CACNA1C: variants seen among roughly 807,000 people sequenced by gnomAD.
CACNA1C encodes the protein calcium voltage-gated channel subunit alpha1 C, also known as voltage-dependent L-type calcium channel subunit alpha-1C.
CACNA1C carries 30 observed loss-of-function variants against 229.0 expected under a neutral mutation model. The observed-to-expected ratio is 0.13, with a 90% CI of 0.10 to 0.18. CACNA1C has a LOEUF of 0.18. Among genes scored for constraint, CACNA1C ranks in the 10% least tolerant of loss-of-function variants. CACNA1C has a pLI of 1.00. For missense variants in CACNA1C, 1,658 were observed against 2,845.0 expected (o/e 0.58, Z 9.49); for synonymous variants, 1,114 against 1,132.5 (o/e 0.98, Z 0.33).
intron 3 of CACNA1C, among the ~76,000 whole-genome samples, chr12:2,443,365 G>A (rs1291385064): frequency 6.6e-6 from 1 of 152,214 alleles, no homozygotes; most frequent in East Asian, 1.9e-4. Flanking sequence ...CACATCCAGG[G>A]CACACTGGTG....
At chr12:2,018,489 C>T (rs1263842780) in intron 1 of CACNA1C, among the ~76,000 whole-genome samples, 1 of 152,080 alleles carries the variant, frequency 6.6e-6, no homozygotes, top group East Asian at 1.9e-4. Flanking sequence ...CAGTACACCA[C>T]GGCTGGAGAG....
At chr12:2,573,045 CT>C (rs2057017917) in intron 13 of CACNA1C, among the ~76,000 whole-genome samples, 1 of 151,252 alleles carries the variant, frequency 6.6e-6, no homozygotes, top group Non-Finnish European at 1.5e-5. Flanking sequence ...TCTTCTTCTT[CT>C]TCTCTTCCCT....
intron 6 of CACNA1C, among the ~76,000 whole-genome samples, chr12:2,489,277 G>T (rs1457821046): frequency 6.6e-6 from 1 of 152,108 alleles, no homozygotes; most frequent in Non-Finnish European, 1.5e-5. Flanking sequence ...TGAATTTTAT[G>T]TATCTCTAGA....
intron 3 of CACNA1C, among the ~76,000 whole-genome samples, chr12:2,415,664 C>T (rs1005799102): frequency 3.3e-5 from 5 of 152,148 alleles, no homozygotes; most frequent in African/African-American, 1.2e-4. Flanking sequence ...ACAGTGGTGA[C>T]CGTCAGTGGC....
At chr12:2,532,383 A>G (rs2154582693) in intron 9 of CACNA1C, among the ~76,000 whole-genome samples, 1 of 152,042 alleles carries the variant, frequency 6.6e-6, no homozygotes, top group East Asian at 1.9e-4. Context: ...CCTCTCTGAC[A>G]TCTGTGCTTG....
intron 3 of CACNA1C, among the ~76,000 whole-genome samples, chr12:2,206,133 G>A (rs2097753904): frequency 6.6e-6 from 1 of 152,158 alleles, no homozygotes; most frequent in South Asian, 2.1e-4. Context: ...ACAGACCTGG[G>A]ATGGCTCCGC....
chr12:2,373,530 C>T (rs1015072555), intron 3 of CACNA1C, among the ~76,000 whole-genome samples: 2 of 152,020 alleles, frequency 1.3e-5, no homozygotes, highest in Non-Finnish European at 1.5e-5. Context: ...AGGCAGCATG[C>T]AGAGGCCAGC....
Position 2,054,591 on chromosome 12 carries a change from A to T in CACNA1C, c.49+980A>T, listed in dbSNP as rs2053884558. The stretch of plus-strand genomic sequence containing the variant: ...CTCACCGCTCTCCCCCCATATTAAC[A>T]AGTTGTTTTCTTGGACGTTGCTTAG... On this transcript the variant is annotated intron_variant, in intron 1 of 46. Coordinates refer to ENST00000399655, the MANE Select transcript of CACNA1C (RefSeq NM_000719.7). The surrounding 1 kb of genome is among the most constrained non-coding windows in gnomAD (Gnocchi z 5.5). Among the ~76,000 whole-genome samples the T allele has an allele frequency of 6.6e-6, 1 of 151,870 alleles. No homozygotes were observed. The highest frequency in any genetic ancestry group is 2.1e-4 in the South Asian group (1 of 4,814).
chr12:2,191,611 C>T (rs186520578), intron 3 of CACNA1C, among the ~76,000 whole-genome samples: 6 of 152,208 alleles, frequency 3.9e-5, no homozygotes, highest in Middle Eastern at 3.4e-3. Flanking sequence ...CACATGCGCT[C>T]AGGCACACAT....
At chr12:2,214,575 A>G (rs907837008) in intron 3 of CACNA1C, among the ~76,000 whole-genome samples, 2 of 151,560 alleles carry the variant, frequency 1.3e-5, no homozygotes, top group African/African-American at 4.9e-5. Context: ...TGGAAGCAAC[A>G]TGAAGCCTAG....
intron 3 of CACNA1C, among the ~76,000 whole-genome samples, chr12:2,421,182 A>T (rs1226640316): frequency 5.9e-5 from 9 of 152,228 alleles, no homozygotes; most frequent in Non-Finnish European, 1.3e-4. Flanking sequence ...ACTTAGAAAT[A>T]TATAAAACAT....
At chr12:2,378,495 A>G (rs2098137169) in intron 3 of CACNA1C, among the ~76,000 whole-genome samples, 1 of 152,226 alleles carries the variant, frequency 6.6e-6, no homozygotes, top group South Asian at 2.1e-4. Flanking sequence ...ATAGATGCCA[A>G]CCAGTGTCTA....
At chr12:2,337,754 G>T (rs116366629) in intron 3 of CACNA1C, among the ~76,000 whole-genome samples, 266 of 152,280 alleles carry the variant, frequency 1.7e-3, no homozygotes, top group African/African-American at 6.2e-3. Context: ...AGGAAAAGTG[G>T]GCTGCCCAGA....
chr12:2,076,608 G>T (rs1472532811), intron 1 of CACNA1C, among the ~76,000 whole-genome samples: 1 of 151,772 alleles, frequency 6.6e-6, no homozygotes, highest in Non-Finnish European at 1.5e-5. Flanking sequence ...TCCAAGGGAT[G>T]TGAAAAGGCA....
In CACNA1C at chr12:2,029,559, A is replaced by G. The variant is rs1028067946; in HGVS notation, c.139+58358A>G. On this transcript the variant is annotated intron_variant, in intron 1 of 46. Transcript: ENST00000682462. The surrounding 1 kb of genome is among the most constrained non-coding windows in gnomAD (Gnocchi z 4.9). The stretch of plus-strand genomic sequence containing the variant: ...TAGTGTCTGGCTTCTTTCACTTAGC[A>G]TAATGTTTTCGAGGTTCATCCACAT... 2.2e-4 allele frequency among the ~76,000 whole-genome samples: 33 copies of G among 152,212 alleles called. No homozygotes were observed. Among genetic ancestry groups the G allele is most frequent in the African/African-American group, 7.7e-4 (32 of 41,440 alleles).
intron 5 of CACNA1C, among the ~76,000 whole-genome samples, chr12:2,474,408 G>C (rs115627456): frequency 0.017 from 2,527 of 152,278 alleles, 66 homozygotes; most frequent in African/African-American, 0.057. Context: ...TTCTGGGAGT[G>C]AGTGTGGCAG....
chr12:2,250,562 T>C (rs976976782), intron 3 of CACNA1C, among the ~76,000 whole-genome samples: 1 of 152,136 alleles, frequency 6.6e-6, no homozygotes, highest in Non-Finnish European at 1.5e-5. Context: ...ACGCTGTAGC[T>C]GAAGTGGAGA....
intron 34 of CACNA1C, among the ~76,000 whole-genome samples, chr12:2,663,046 A>G (rs1273375910): frequency 1.3e-5 from 2 of 152,256 alleles, no homozygotes; most frequent in Non-Finnish European, 2.9e-5. Context: ...AACACAGAAA[A>G]GAATGTCTTT....
intron 1 of CACNA1C, chr12:2,004,548 C>T (rs1042910204): frequency 6.3e-6 from 9 of 1,435,456 alleles, no homozygotes; most frequent in Non-Finnish European, 3.7e-6. Context: ...CCCGGGAGGC[C>T]TTCCGGCTCC....
Sources: gnomAD v4.1 joint callset for allele counts (sites outside exome capture counted in the v4.1 genomes callset) on GRCh38, gnomAD v4.1.1 for gene constraint, Gnocchi (gnomAD v3.1) non-coding constraint, MANE v1.5 for transcripts, NCBI Gene and HGNC (gene_info 2026-07-23, HGNC 2026-07-21) for gene names.